The following STK39 variants were observed in gnomAD, a reference collection of about 807,000 sequenced individuals.
The protein encoded by STK39 is STE20/SPS1-related proline-alanine-rich protein kinase.
In STK39, 20 loss-of-function variants were observed where a neutral mutation model predicts 77.8. The observed-to-expected ratio is 0.26, with a 90% CI of 0.18 to 0.37. The LOEUF (loss-of-function observed/expected upper bound fraction) is 0.37. STK39 is among the 10% of genes least tolerant of loss of function. The probability of loss-of-function intolerance (pLI) is 1.00; values close to 1 mark genes in which losing one functional copy is unlikely to be tolerated. For synonymous variants in STK39, 246 were observed against 234.1 expected (o/e 1.05, Z -0.47); for missense variants, 479 against 656.5 (o/e 0.73, Z 2.95).
chr2:168,013,962 T>TATG (rs1266748894), intron 15 of STK39, among the ~76,000 whole-genome samples: 2 of 152,154 alleles, frequency 1.3e-5, no homozygotes, highest in Non-Finnish European at 2.9e-5. Context: ...AAATGGTAAC[T>TATG]ATGATGATGA....
chr2:167,986,172 G>A (rs1292578481), intron 16 of STK39, among the ~76,000 whole-genome samples: 1 of 152,184 alleles, frequency 6.6e-6, no homozygotes, highest in Non-Finnish European at 1.5e-5. Flanking sequence ...CAGGAACACT[G>A]ACTGCCCTTA....
chr2:168,070,103 G>GT (rs1685900513), intron 12 of STK39, among the ~76,000 whole-genome samples: 1 of 152,114 alleles, frequency 6.6e-6, no homozygotes, highest in South Asian at 2.1e-4. Context: ...CAGTTGAAAA[G>GT]TTTTATATAA....
At chr2:168,201,894 C>A (rs903262870) in intron 1 of STK39, among the ~76,000 whole-genome samples, 5 of 152,102 alleles carry the variant, frequency 3.3e-5, no homozygotes, top group Non-Finnish European at 5.9e-5. Flanking sequence ...GGAGACAATC[C>A]AATAAAAAGA....
At chr2:168,064,624 A>G (rs114251376) in intron 13 of STK39, among the ~76,000 whole-genome samples, 1,542 of 152,348 alleles carry the variant, frequency 0.01, 33 homozygotes, top group African/African-American at 0.035. Context: ...GTAAAACAGA[A>G]ATGAATTTAA....
intron 10 of STK39, among the ~76,000 whole-genome samples, chr2:168,120,645 A>T (rs16854750): frequency 1.5e-4 from 23 of 152,268 alleles, no homozygotes; most frequent in African/African-American, 5.5e-4. Flanking sequence ...TAATAACTAT[A>T]GTAATAAAAG....
At chr2:168,227,602 A>T (rs965132536) in intron 1 of STK39, among the ~76,000 whole-genome samples, 1 of 152,204 alleles carries the variant, frequency 6.6e-6, no homozygotes, top group African/African-American at 2.4e-5. Context: ...AAACACATCC[A>T]CAAACAGTAA....
intron 8 of STK39, among the ~76,000 whole-genome samples, chr2:168,136,653 G>C (rs1015453367): frequency 6.6e-6 from 1 of 152,170 alleles, no homozygotes; most frequent in Non-Finnish European, 1.5e-5. Context: ...AACTTCTCTT[G>C]CTGGGCTATG....
intron 5 of STK39, among the ~76,000 whole-genome samples, chr2:168,146,893 T>C (rs376569720): frequency 2.0e-5 from 3 of 152,116 alleles, no homozygotes; most frequent in African/African-American, 7.2e-5. Flanking sequence ...ATTTAGTAGA[T>C]ATTGGAATTA....
chr2:168,227,329 TA>T (rs1049059128), intron 1 of STK39, among the ~76,000 whole-genome samples: 2 of 152,210 alleles, frequency 1.3e-5, no homozygotes, highest in Non-Finnish European at 2.9e-5. Flanking sequence ...AAAAAACATT[TA>T]AAATAAAGAC....
intron 2 of STK39, among the ~76,000 whole-genome samples, chr2:168,177,854 G>C (rs1688991563): frequency 6.6e-6 from 1 of 152,146 alleles, no homozygotes. Flanking sequence ...ACTCCCTCAA[G>C]GGAATACATA....
intron 8 of STK39, among the ~76,000 whole-genome samples, chr2:168,136,144 G>A (rs997446871): frequency 5.9e-5 from 9 of 151,832 alleles, no homozygotes; most frequent in Non-Finnish European, 1.3e-4. Context: ...CAAGGCGGGC[G>A]AATCACGAGG....
chr2:168,242,785 C>CA (rs1690802426), intron 1 of STK39, among the ~76,000 whole-genome samples: 1 of 149,356 alleles, frequency 6.7e-6, no homozygotes, highest in South Asian at 2.1e-4. Flanking sequence ...CCCAGCTACT[C>CA]AGGAGGCTGA....
chr2:167,973,696 G>T (rs1424239850), intron 16 of STK39, among the ~76,000 whole-genome samples: 1 of 152,218 alleles, frequency 6.6e-6, no homozygotes, highest in South Asian at 2.1e-4. Flanking sequence ...GTAAAAGACT[G>T]TAAGATGGCA....
chr2:167,997,172 G>A (rs1421037618), intron 16 of STK39, among the ~76,000 whole-genome samples: 1 of 151,656 alleles, frequency 6.6e-6, no homozygotes, highest in Admixed American at 6.6e-5. Flanking sequence ...TAGTGTGGAG[G>A]TGGCAGAGGC....
intron 1 of STK39, among the ~76,000 whole-genome samples, chr2:168,237,453 T>C (rs188287517): frequency 2.6e-5 from 4 of 152,342 alleles, no homozygotes; most frequent in Middle Eastern, 3.4e-3. Flanking sequence ...TCCTGCCTGA[T>C]TGCCCTGGCC....
At chr2:168,207,108 T>C (rs1574555460) in intron 1 of STK39, among the ~76,000 whole-genome samples, 1 of 152,314 alleles carries the variant, frequency 6.6e-6, no homozygotes, top group South Asian at 2.1e-4. Context: ...CATAAAGATA[T>C]GAAAGCTACC....
intron 12 of STK39, among the ~76,000 whole-genome samples, chr2:168,070,760 A>G (rs889508523): frequency 6.6e-6 from 1 of 152,128 alleles, no homozygotes; most frequent in African/African-American, 2.4e-5. Flanking sequence ...CCATGTCCCT[A>G]CAAAGGACAT....
chr2:168,098,440 G>A (rs992394909), intron 10 of STK39, among the ~76,000 whole-genome samples: 3 of 152,174 alleles, frequency 2.0e-5, no homozygotes, highest in Non-Finnish European at 4.4e-5. Flanking sequence ...CGGCCCCACT[G>A]CCTCCCAGAT....
At chr2:168,223,510 CAAAAAA>C (rs60067513) in intron 1 of STK39, among the ~76,000 whole-genome samples, 1 of 102,216 alleles carries the variant, frequency 9.8e-6, no homozygotes, top group Non-Finnish European at 1.9e-5. Flanking sequence ...GACTCCGTCT[CAAAAAA>C]AAAAAAAAAA....
Sources: gnomAD v4.1 joint callset for allele counts (sites outside exome capture counted in the v4.1 genomes callset) on GRCh38, gnomAD v4.1.1 for gene constraint, MANE v1.5 for transcripts, NCBI Gene and HGNC (gene_info 2026-07-23, HGNC 2026-07-21) for gene names.